The following TRMT44 variants were observed in gnomAD, a reference collection of about 807,000 sequenced individuals.
TRMT44 encodes tRNA methyltransferase 44 homolog.
In TRMT44, 78 loss-of-function variants were observed where a neutral mutation model predicts 77.3. The observed-to-expected ratio is 1.01, with a 90% CI of 0.84 to 1.22. TRMT44 has a LOEUF of 1.22. TRMT44 is among the 50% of genes most tolerant of loss of function. The pLI, the probability that TRMT44 is intolerant of heterozygous loss-of-function variation, is 0.00. For synonymous variants in TRMT44, 391 were observed against 383.3 expected, an observed-to-expected ratio of 1.02 and a Z score of -0.23; for missense variants, 1,090 against 964.4, an observed-to-expected ratio of 1.13 and a Z score of -1.73.
rs780288919 is a variant in TRMT44, at chr4:8,452,059, G to T, written c.1023+31G>T. 1.3e-5 allele frequency: 20 copies of T among 1,525,938 alleles called. No homozygotes were observed. Among genetic ancestry groups the T allele is most frequent in the Admixed American group, 2.0e-5 (1 of 50,994 alleles). The allele number at this position is 1,525,938 out of a possible 1,614,324, so 94.5% of individuals were successfully genotyped here. ...GGTGTAAGCGACCTCAGCTTCTCTG[G>T]AGTGGGTGGAGTTTGCTACAGGCAG... On this transcript the variant is annotated intron_variant, in intron 4 of 10. Transcript: ENST00000389737. This position sits in a 1 kb window ranked among gnomAD's most constrained non-coding sequence, Gnocchi z 5.7.
At chr4:8,477,520 G>A (rs934371961), downstream of TRMT44, 1 of 152,394 alleles carries the variant, frequency 6.6e-6, no homozygotes, top group African/African-American at 2.4e-5. Flanking sequence ...ACGCTGGGAA[G>A]TTCTCCCTGC....
intron 2 of TRMT44, among the ~76,000 whole-genome samples, chr4:8,486,313 G>T (rs866054142): frequency 6.6e-6 from 1 of 152,218 alleles, no homozygotes; most frequent in Admixed American, 6.5e-5. Flanking sequence ...AAGTTCTTGT[G>T]TGCTGGAGAT....
In TRMT44 at chr4:8,461,694, T is replaced by C. The variant is rs996724898; in HGVS notation, c.1204-2291T>C. Among the ~76,000 whole-genome samples the C allele has an allele frequency of 1.3e-5, 2 of 152,150 alleles. No individual in the cohort carries two copies. The highest frequency in any genetic ancestry group is 2.9e-5 in the Non-Finnish European group (2 of 68,028). On this transcript the variant is annotated intron_variant, in intron 6 of 10. Transcript: ENST00000389737. The surrounding 1 kb of genome is among the most constrained non-coding windows in gnomAD (Gnocchi z 4.6). ...TATTCTAATCAAGTGTGTAGGTTTT[T>C]TCCTTGTTACCTCCCAACCTTCAGT... is the stretch of plus-strand genomic sequence containing the variant.
intron 6 of TRMT44, among the ~76,000 whole-genome samples, chr4:8,460,941 C>T (rs2109136284): frequency 6.6e-6 from 1 of 152,342 alleles, no homozygotes; most frequent in East Asian, 1.9e-4. Flanking sequence ...CCTCAACCTT[C>T]TGGACTGAGT....
At chr4:8,478,856 T>G (rs745403948), downstream of TRMT44, 6 of 152,500 alleles carry the variant, frequency 3.9e-5, no homozygotes, top group African/African-American at 9.6e-5. Flanking sequence ...TTGCCCCATC[T>G]GCTGCAGAGG....
intron 8 of TRMT44, among the ~76,000 whole-genome samples, chr4:8,466,822 C>T (rs539105676): frequency 1.6e-4 from 24 of 152,264 alleles, no homozygotes; most frequent in Middle Eastern, 6.8e-3. Context: ...TGGATGTGAA[C>T]GTGCTTTGTC....
rs745739965 is a variant in TRMT44, at chr4:8,476,005, G to T, written c.*4G>T. The T allele has an allele frequency of 1.3e-5, 21 of 1,612,788 alleles. No individual in the cohort carries two copies. Among genetic ancestry groups the T allele is most frequent in the Non-Finnish European group, 1.4e-5 (17 of 1,179,436 alleles). On this transcript the variant is annotated 3_prime_UTR_variant, in exon 11 of 11. Transcript: ENST00000389737. ...CCCGAGGAAGAAGATTTCATGAGCTGCATCCTTGCCAGCCGAGGCCTGGTT... is the reference window on the plus strand; with the variant it reads ...CCCGAGGAAGAAGATTTCATGAGCTTCATCCTTGCCAGCCGAGGCCTGGTT...
intron 10 of TRMT44, among the ~76,000 whole-genome samples, chr4:8,474,740 G>T (rs1727258511): frequency 6.6e-6 from 1 of 152,230 alleles, no homozygotes; most frequent in Non-Finnish European, 1.5e-5. Flanking sequence ...AACCAGGAAG[G>T]AGGTGGTTGC....
chr4:8,443,402 G>A (rs1337551855), intron 1 of TRMT44, among the ~76,000 whole-genome samples: 3 of 152,268 alleles, frequency 2.0e-5, no homozygotes, highest in Non-Finnish European at 2.9e-5. Flanking sequence ...TTCAGTTCCC[G>A]CCAGGAAGGC....
the TRMT44 span, among the ~76,000 whole-genome samples, chr4:8,503,303 T>C: frequency 0.022 from 3,310 of 152,258 alleles, 60 homozygotes; most frequent in African/African-American, 0.05. Context: ...CCGGAAAGGG[T>C]GGCACTCTAT....
intron 6 of TRMT44, among the ~76,000 whole-genome samples, chr4:8,463,114 TGA>T (rs1468627633): frequency 6.6e-6 from 1 of 152,178 alleles, no homozygotes. Flanking sequence ...CCTTGAAGAG[TGA>T]GTGTTCTCAG....
the TRMT44 span, among the ~76,000 whole-genome samples, chr4:8,510,075 T>C: frequency 1.3e-5 from 2 of 152,268 alleles, no homozygotes; most frequent in East Asian, 3.9e-4. Flanking sequence ...AGCCACACAG[T>C]GGAGGTGGCC....
chr4:8,452,266 G>A lies in TRMT44; in HGVS notation c.1023+238G>A, dbSNP rs1039755713. On this transcript the variant is annotated intron_variant, in intron 4 of 10. Coordinates refer to ENST00000389737, the MANE Select transcript of TRMT44 (RefSeq NM_152544.3). The surrounding 1 kb of genome is among the most constrained non-coding windows in gnomAD (Gnocchi z 5.7). ...ACTTGACCTGCAGGCGGAACTGTAC[G>A]TCCACACTCAGCAGTCATCGTGGAG... is the stretch of plus-strand genomic sequence containing the variant. Among the ~76,000 whole-genome samples the A allele has an allele frequency of 5.3e-5, 8 of 152,184 alleles. No homozygotes were observed. Among genetic ancestry groups the A allele is most frequent in the South Asian group, 4.1e-4 (2 of 4,832 alleles).
chr4:8,487,096 G>T (rs1473081766), intron 2 of TRMT44, among the ~76,000 whole-genome samples: 1 of 150,552 alleles, frequency 6.6e-6, no homozygotes, highest in African/African-American at 2.4e-5. Context: ...ACATCAGACT[G>T]TTTGCTATTT....
the TRMT44 span, among the ~76,000 whole-genome samples, chr4:8,516,376 G>A: frequency 6.6e-6 from 1 of 152,148 alleles, no homozygotes; most frequent in Admixed American, 6.5e-5. Flanking sequence ...GAGCTGACTC[G>A]CCCAAGAACA....
At position 8,440,868 on chromosome 4, in the gene TRMT44, C is replaced by A; in HGVS notation, c.46C>A (p.Leu16Ile). ...RTGISYPGAL[L>I]PQGFWAAVEV... is the part of the protein sequence containing the mutation. The stretch of plus-strand genomic sequence containing the variant: ...CGGGATCAGCTACCCAGGCGCGCTT[C>A]TCCCACAGGGCTTCTGGGCTGCGGT... The change falls in exon 1 of 11, where the codon CTC (leucine) becomes ATC (isoleucine). Residue 16 changes from leucine to isoleucine, a missense_variant. Leu to Ile is a conservative substitution (Grantham distance 5). Coordinates refer to ENST00000389737, the MANE Select transcript of TRMT44 (RefSeq NM_152544.3). The A allele has an allele frequency of 1.3e-6, 2 of 1,521,158 alleles. No individual in the cohort carries two copies. The highest frequency in any genetic ancestry group is 1.8e-6 in the Non-Finnish European group (2 of 1,141,016). The allele number at this position is 1,521,158 out of a possible 1,614,324, so 94.2% of individuals were successfully genotyped here.
At chr4:8,486,740 A>C (rs577796001) in intron 2 of TRMT44, among the ~76,000 whole-genome samples, 14 of 152,124 alleles carry the variant, frequency 9.2e-5, no homozygotes, top group Admixed American at 2.0e-4. Flanking sequence ...AGCTCCAGCC[A>C]CCTTTTTAAG....
intron 8 of TRMT44, among the ~76,000 whole-genome samples, chr4:8,467,271 G>A (rs1391719715): frequency 2.0e-5 from 3 of 152,196 alleles, no homozygotes; most frequent in Non-Finnish European, 4.4e-5. Context: ...CCCGCCGGGC[G>A]GCCGAGGGGT....
intron 2 of TRMT44, among the ~76,000 whole-genome samples, chr4:8,485,860 C>T (rs933840941): frequency 6.6e-6 from 1 of 152,114 alleles, no homozygotes; most frequent in Non-Finnish European, 1.5e-5. Flanking sequence ...GCTTGGCTGT[C>T]AATACCCACA....
Sources: gnomAD v4.1 joint callset for allele counts (sites outside exome capture counted in the v4.1 genomes callset) on GRCh38, gnomAD v4.1.1 for gene constraint, Gnocchi (gnomAD v3.1) non-coding constraint, MANE v1.5 for transcripts, NCBI Gene and HGNC (gene_info 2026-07-23, HGNC 2026-07-21) for gene names.